Variants in KICS2 observed in about 807,000 individuals in gnomAD.
KICS2 encodes the protein KICSTOR subunit 2, also known as KICSTOR complex protein C12orf66.
KICS2 carries 13 observed loss-of-function variants against 31.4 expected under a neutral mutation model. That is an observed-to-expected ratio of 0.41 (90% CI 0.27 to 0.66). The LOEUF (loss-of-function observed/expected upper bound fraction) is 0.66, where lower values mean the gene tolerates loss of function less well. KICS2 is among the 30% of genes least tolerant of loss of function. The pLI is 0.28. For synonymous variants in KICS2, 209 were observed against 214.8 expected, an observed-to-expected ratio of 0.97 and a Z score of 0.24; for missense variants, 455 against 545.4, an observed-to-expected ratio of 0.83 and a Z score of 1.65.
Position 64,194,667 on chromosome 12 carries a change from G to C in KICS2, c.522-9C>G, listed in dbSNP as rs2037416152. 3 of 1,597,664 alleles carry C rather than the reference G, an allele frequency of 1.9e-6. No homozygotes were observed. The highest frequency in any genetic ancestry group is 1.3e-5 in the African/African-American group (1 of 74,362). On this transcript the variant is annotated splice_polypyrimidine_tract_variant and intron_variant, in intron 2 of 2. Transcript: ENST00000398055. ...GGATTGGGTGGTGAAATCTAAAGGG[G>C]AGAGGGAAATAGAGATAAGTGGAAA...
rs145196930 is a variant in KICS2, at chr12:64,191,457, C to T, written c.*2385G>A. 1.3e-5 allele frequency: 2 copies of T among 152,186 alleles called. No homozygotes were observed. Among genetic ancestry groups the T allele is most frequent in the African/African-American group, 4.8e-5 (2 of 41,522 alleles). The allele number at this position is 152,186 out of a possible 1,614,324, so 9.4% of individuals were successfully genotyped here. ...ATAACATATATATGCTTTACTTACACCTCTCTCGGGGTTCCACTGAAGTAT... is the reference window on the plus strand; with the variant it reads ...ATAACATATATATGCTTTACTTACATCTCTCTCGGGGTTCCACTGAAGTAT... On this transcript the variant is annotated 3_prime_UTR_variant, in exon 3 of 3. Coordinates refer to ENST00000398055, the MANE Select transcript of KICS2 (RefSeq NM_152440.5).
chr12:64,187,664 G>C (rs2037348642), downstream of KICS2: 5 of 1,534,724 alleles, frequency 3.3e-6, no homozygotes, highest in Non-Finnish European at 4.4e-6. Context: ...TGGTAGAAAA[G>C]TAGAGAGGGA....
In KICS2 at chr12:64,193,066, C is replaced by A; in HGVS notation, c.*776G>T. ...CAGCAGAAAAGTGATAAACAGAAAG[C>A]GAAGCGGATAATATGCTGAAGAATG... On this transcript the variant is annotated 3_prime_UTR_variant, in exon 3 of 3. Transcript: ENST00000398055. 1.0e-6 allele frequency: 1 copy of A among 985,378 alleles called. No homozygotes were observed. Among genetic ancestry groups the A allele is most frequent in the Non-Finnish European group, 1.2e-6 (1 of 829,918 alleles). The allele number at this position is 985,378 out of a possible 1,614,324, so 61.0% of individuals were successfully genotyped here.
In KICS2 at chr12:64,193,767, T is replaced by C; in HGVS notation, c.*75A>G. The stretch of plus-strand genomic sequence containing the variant: ...AGGCATGAATGGATGTAAACTCTAT[T>C]CACAGACCACCGTAGATCATTAGGG... On this transcript the variant is annotated 3_prime_UTR_variant, in exon 3 of 3. Coordinates refer to ENST00000398055, the MANE Select transcript of KICS2 (RefSeq NM_152440.5). 6.7e-7 allele frequency: 1 copy of C among 1,495,932 alleles called. No individual in the cohort carries two copies. The highest frequency in any genetic ancestry group is 8.9e-7 in the Non-Finnish European group (1 of 1,124,080). 92.7% of individuals were successfully genotyped at this position (1,495,932 alleles called of 1,614,324 possible).
chr12:64,187,507 C>T (rs557366104), downstream of KICS2: 1,151 of 849,518 alleles, frequency 1.4e-3, 6 homozygotes, highest in South Asian at 2.2e-3. Context: ...ATTAATGAAA[C>T]CTTACGGATT....
intron 2 of KICS2, among the ~76,000 whole-genome samples, chr12:64,212,196 AC>A (rs1277155357): frequency 2.6e-5 from 4 of 152,228 alleles, no homozygotes; most frequent in African/African-American, 9.6e-5. Context: ...TTTAAAGTGT[AC>A]AATTCAATGG....
At chr12:64,221,766 G>A (rs896142216) in intron 1 of KICS2, 2 of 599,072 alleles carry the variant, frequency 3.3e-6, no homozygotes, top group African/African-American at 3.7e-5. Flanking sequence ...TTCGGTTTGG[G>A]TCACAGCCCT....
chr12:64,202,902 A>G (rs376772437), intron 2 of KICS2, among the ~76,000 whole-genome samples: 4 of 151,986 alleles, frequency 2.6e-5, no homozygotes, highest in South Asian at 4.1e-4. Context: ...CACATGACCC[A>G]TTTTCACCAA....
chr12:64,207,296 C>T (rs1346870644), intron 2 of KICS2, among the ~76,000 whole-genome samples: 2 of 72,502 alleles, frequency 2.8e-5, no homozygotes, highest in East Asian at 7.9e-4. Flanking sequence ...AGAGCCAACT[C>T]GTCTCAAAAA....
At chr12:64,187,643 T>G (rs1160450386), downstream of KICS2, 2 of 1,535,820 alleles carry the variant, frequency 1.3e-6, no homozygotes, top group Non-Finnish European at 1.7e-6. Context: ...ATTGCATTGG[T>G]AACAGGAACC....
At chr12:64,208,335 G>C (rs1462536767) in intron 2 of KICS2, among the ~76,000 whole-genome samples, 1 of 152,164 alleles carries the variant, frequency 6.6e-6, no homozygotes, top group Non-Finnish European at 1.5e-5. Flanking sequence ...TTTGTACTAA[G>C]AATTTAGCTG....
At chr12:64,213,208 C>T (rs138561621) in intron 2 of KICS2, among the ~76,000 whole-genome samples, 284 of 152,178 alleles carry the variant, frequency 1.9e-3, no homozygotes, top group African/African-American at 6.6e-3. Context: ...GCACACAACT[C>T]GTATTCCTAG....
Position 64,193,715 on chromosome 12 carries a change from G to A in KICS2, c.*127C>T. On this transcript the variant is annotated 3_prime_UTR_variant, in exon 3 of 3. Coordinates refer to ENST00000398055, the MANE Select transcript of KICS2 (RefSeq NM_152440.5). ...CTTATAAAGTGTGCAACACAGGGAG[G>A]ATTTGTCTTTAATTTAGTTCTGAAA... 1 of 1,444,862 alleles carries A rather than the reference G, an allele frequency of 6.9e-7. No homozygotes were observed. The highest frequency in any genetic ancestry group is 9.1e-7 in the Non-Finnish European group (1 of 1,103,786). The allele number at this position is 1,444,862 out of a possible 1,614,324, so 89.5% of individuals were successfully genotyped here.
chr12:64,210,001 T>C (rs186043045), intron 2 of KICS2, among the ~76,000 whole-genome samples: 1 of 152,258 alleles, frequency 6.6e-6, no homozygotes, highest in East Asian at 1.9e-4. Context: ...AAAGGAGAAA[T>C]GTTTGGTGTA....
In KICS2 at chr12:64,204,160, A is replaced by G. The variant is rs114600352; in HGVS notation, c.522-9502T>C. Among the ~76,000 whole-genome samples the G allele has an allele frequency of 5.3e-3, 803 of 152,368 alleles. 13 individuals carry two copies. The highest frequency in any genetic ancestry group is 0.018 in the African/African-American group (769 of 41,582). ...TTATAAGCAGGAGCTGAACAATGAG[A>G]ACACGTGGACACAGGGACGGGAACA... is the stretch of plus-strand genomic sequence containing the variant. On this transcript the variant is annotated intron_variant, in intron 2 of 2. Coordinates refer to ENST00000398055, the MANE Select transcript of KICS2 (RefSeq NM_152440.5).
At chr12:64,208,561 AAC>A (rs1392667710) in intron 2 of KICS2, among the ~76,000 whole-genome samples, 1 of 152,200 alleles carries the variant, frequency 6.6e-6, no homozygotes. Flanking sequence ...ACATGCAACT[AAC>A]AAAATGTCTT....
At chr12:64,221,249 G>T (rs1429480388) in intron 1 of KICS2, among the ~76,000 whole-genome samples, 1 of 152,154 alleles carries the variant, frequency 6.6e-6, no homozygotes, top group African/African-American at 2.4e-5. Context: ...TACTGACTCT[G>T]AAACCCCTAG....
Position 64,192,997 on chromosome 12 carries a change from T to C in KICS2, c.*845A>G, listed in dbSNP as rs993229129. ...GGCTGAAAAACCGACTGCATGCTTTTAAGCCTAAAAATAACCAAGGAGTAG... is the reference window on the plus strand; with the variant it reads ...GGCTGAAAAACCGACTGCATGCTTTCAAGCCTAAAAATAACCAAGGAGTAG... On this transcript the variant is annotated 3_prime_UTR_variant, in exon 3 of 3. Transcript: ENST00000398055. 18 of 985,342 alleles carry C rather than the reference T, an allele frequency of 1.8e-5. No individual in the cohort carries two copies. The highest frequency in any genetic ancestry group is 2.0e-5 in the Non-Finnish European group (17 of 829,954). The allele number at this position is 985,342 out of a possible 1,614,324, so 61.0% of individuals were successfully genotyped here.
chr12:64,209,819 C>T (rs1186032372), intron 2 of KICS2, among the ~76,000 whole-genome samples: 1 of 152,178 alleles, frequency 6.6e-6, no homozygotes, highest in African/African-American at 2.4e-5. Flanking sequence ...AAAGGTATTT[C>T]AGCATTTGAA....
Sources: allele counts gnomAD v4.1 joint callset (sites outside exome capture counted in the v4.1 genomes callset), GRCh38; gene constraint gnomAD v4.1.1; transcripts MANE v1.5; gene names NCBI Gene and HGNC (gene_info 2026-07-23, HGNC 2026-07-21).